CREB3L1: variants seen among roughly 807,000 people sequenced by gnomAD.
The protein encoded by CREB3L1 is cAMP responsive element binding protein 3 like 1.
Under a neutral mutation model 54.5 loss-of-function variants are expected in CREB3L1, and 33 were observed. The observed-to-expected ratio is 0.61, with a 90% CI of 0.46 to 0.81. The LOEUF is 0.81. Among genes scored for constraint, CREB3L1 ranks in the 30% least tolerant of loss-of-function variants. The pLI is 0.00. For missense variants in CREB3L1, 656 were observed against 673.3 expected (o/e 0.97, Z 0.29); for synonymous variants, 284 against 286.4 (o/e 0.99, Z 0.08).
intron 2 of CREB3L1, among the ~76,000 whole-genome samples, chr11:46,300,468 C>T (rs1196400893): frequency 1.3e-5 from 2 of 152,394 alleles, no homozygotes; most frequent in African/African-American, 4.8e-5. Flanking sequence ...CCACCCCCAA[C>T]CTGCTGAATC....
At chr11:46,286,857 C>T (rs972774862) in intron 1 of CREB3L1, among the ~76,000 whole-genome samples, 9 of 152,126 alleles carry the variant, frequency 5.9e-5, no homozygotes, top group African/African-American at 2.2e-4. Context: ...AGAAAACACA[C>T]TCGGTTCTGA....
At chr11:46,286,677 C>T (rs1178970417) in intron 1 of CREB3L1, among the ~76,000 whole-genome samples, 3 of 152,042 alleles carry the variant, frequency 2.0e-5, no homozygotes, top group African/African-American at 2.4e-5. Context: ...CCCAGCTACT[C>T]AGGAGGCTGA....
At chr11:46,298,434 A>G (rs1590343266) in intron 1 of CREB3L1, among the ~76,000 whole-genome samples, 1 of 152,340 alleles carries the variant, frequency 6.6e-6, no homozygotes, top group Non-Finnish European at 1.5e-5. Context: ...ACGGTGGCCT[A>G]CACCTGTAAT....
chr11:46,318,489 C>T (rs141922553), intron 10 of CREB3L1, among the ~76,000 whole-genome samples: 59 of 152,320 alleles, frequency 3.9e-4, no homozygotes, highest in African/African-American at 1.3e-3. Context: ...CAATTTTGCA[C>T]TTACTGAGCC....
chr11:46,307,381 C>T lies in CREB3L1; in HGVS notation c.332-435C>T, dbSNP rs115242856. Among the ~76,000 whole-genome samples the T allele has an allele frequency of 5.9e-5, 9 of 152,186 alleles. No individual in the cohort carries two copies. The South Asian group carries it at 1.0e-3, about 17-fold the overall frequency. ...CTGGGATTACAGGAGTGAGCCACGG[C>T]GCTCAGCCTGAACATTTACTTCTCA... is the stretch of plus-strand genomic sequence containing the variant. On this transcript the variant is annotated intron_variant, in intron 2 of 11. Coordinates refer to ENST00000621158, the MANE Select transcript of CREB3L1 (RefSeq NM_052854.4).
intron 2 of CREB3L1, among the ~76,000 whole-genome samples, chr11:46,304,457 G>A (rs1171479061): frequency 6.6e-6 from 1 of 152,214 alleles, no homozygotes; most frequent in African/African-American, 2.4e-5. Context: ...GGCAACAAGA[G>A]CGAAATTCCA....
At chr11:46,299,768 C>T (rs1365959547) in intron 1 of CREB3L1, among the ~76,000 whole-genome samples, 167 bp from the exon 2 acceptor site, 1 of 152,092 alleles carries the variant, frequency 6.6e-6, no homozygotes, top group African/African-American at 2.4e-5. Flanking sequence ...AATGTTGGTA[C>T]TGGGGAGATT....
intron 1 of CREB3L1, among the ~76,000 whole-genome samples, chr11:46,283,777 G>A (rs1939013917): frequency 6.6e-6 from 1 of 152,134 alleles, no homozygotes; most frequent in Non-Finnish European, 1.5e-5. Context: ...TGGCTGCTTA[G>A]GAGACTGATG....
chr11:46,302,529 A>G (rs1475155229), intron 2 of CREB3L1, among the ~76,000 whole-genome samples: 1 of 152,188 alleles, frequency 6.6e-6, no homozygotes, highest in African/African-American at 2.4e-5. Context: ...AACCTCTGTA[A>G]TCCTTAGTAT....
Position 46,320,857 on chromosome 11 carries a change from A to AG in CREB3L1, c.*113dup. On this transcript the variant is annotated 3_prime_UTR_variant, in exon 12 of 12. Transcript: ENST00000621158. ...CCTGCCTCCTGGAGCTTCCCATTCC[A>AG]GGAGAAAAGGCTCCACTTCCCAGCC... 1 of 1,169,086 alleles carries AG rather than the reference A, an allele frequency of 8.6e-7. No individual in the cohort carries two copies. The allele number at this position is 1,169,086 out of a possible 1,614,324, so 72.4% of individuals were successfully genotyped here. A position where few individuals can be genotyped will look rare whatever the true frequency, so the allele number is the denominator to read the frequency against.
intron 10 of CREB3L1, among the ~76,000 whole-genome samples, chr11:46,318,159 A>G (rs1039359692): frequency 1.3e-5 from 2 of 152,128 alleles, no homozygotes; most frequent in African/African-American, 4.8e-5. Context: ...CAGAAGTTGC[A>G]GTGAACCAAG....
chr11:46,296,155 A>G (rs1233871063), intron 1 of CREB3L1, among the ~76,000 whole-genome samples: 4 of 152,028 alleles, frequency 2.6e-5, no homozygotes, highest in East Asian at 3.9e-4. Context: ...TTGCTCCCCA[A>G]TTTCCATCGG....
rs1939512003 is a variant in CREB3L1 at position 46,312,836 on chromosome 11, G to A, written c.963-15G>A. Reference sequence around the variant, plus strand: ...GGGGGCTGCCCCTGAGCCTGTGCCTGCTTGGCCCCTACAGGGTGGAGACAT... The same window carrying A: ...GGGGGCTGCCCCTGAGCCTGTGCCTACTTGGCCCCTACAGGGTGGAGACAT... On this transcript the variant is annotated splice_polypyrimidine_tract_variant and intron_variant, in intron 7 of 11. Coordinates refer to ENST00000621158, the MANE Select transcript of CREB3L1 (RefSeq NM_052854.4). 6.3e-7 allele frequency: 1 copy of A among 1,583,960 alleles called. No individual in the cohort carries two copies. Among genetic ancestry groups the A allele is most frequent in the Non-Finnish European group, 8.6e-7 (1 of 1,165,090 alleles).
intron 8 of CREB3L1, among the ~76,000 whole-genome samples, chr11:46,313,179 A>G (rs894092198): frequency 6.6e-6 from 1 of 152,198 alleles, no homozygotes; most frequent in African/African-American, 2.4e-5. Context: ...CAGACCAGCA[A>G]CAATCCCTGG....
rs551134439 is a variant in CREB3L1 at position 46,303,090 on chromosome 11, G to A, written c.331+2927G>A. Among the ~76,000 whole-genome samples, 14 of 152,272 alleles carry A rather than the reference G, an allele frequency of 9.2e-5. No individual in the cohort carries two copies. In the East Asian group the frequency reaches 2.1e-3, roughly 23 times the overall value. ...TAATAGCACACCCTGATTCTCAACCGCAAACCCTTGCCACCACCACATTTG... is the reference window on the plus strand; with the variant it reads ...TAATAGCACACCCTGATTCTCAACCACAAACCCTTGCCACCACCACATTTG... On this transcript the variant is annotated intron_variant, in intron 2 of 11. Coordinates refer to ENST00000621158, the MANE Select transcript of CREB3L1 (RefSeq NM_052854.4).
At chr11:46,282,337 T>G (rs1438558707) in intron 1 of CREB3L1, among the ~76,000 whole-genome samples, 1 of 152,164 alleles carries the variant, frequency 6.6e-6, no homozygotes, top group African/African-American at 2.4e-5. Context: ...ATCCCCCTAC[T>G]GCACAGGCCT....
chr11:46,309,221 A>C (rs1458369172), intron 3 of CREB3L1, among the ~76,000 whole-genome samples: 1 of 152,180 alleles, frequency 6.6e-6, no homozygotes, highest in African/African-American at 2.4e-5. Flanking sequence ...CTTACTCATC[A>C]GCCTACATTC....
At chr11:46,286,140 A>G (rs1416806261) in intron 1 of CREB3L1, among the ~76,000 whole-genome samples, 3 of 152,174 alleles carry the variant, frequency 2.0e-5, no homozygotes, top group Non-Finnish European at 4.4e-5. Context: ...GCTATTCCCT[A>G]GGTACAGCTA....
At chr11:46,316,854 T>C (rs1170479245) in intron 9 of CREB3L1, among the ~76,000 whole-genome samples, 1 of 152,054 alleles carries the variant, frequency 6.6e-6, no homozygotes, top group Non-Finnish European at 1.5e-5. Context: ...AAATGGCCAG[T>C]CTCTTGCCGC....
Sources: allele counts gnomAD v4.1 joint callset (sites outside exome capture counted in the v4.1 genomes callset), GRCh38; gene constraint gnomAD v4.1.1; transcripts MANE v1.5; gene names NCBI Gene and HGNC (gene_info 2026-07-23, HGNC 2026-07-21).